The following PCDH11X variants were observed in gnomAD, a reference collection of about 807,000 sequenced individuals.
PCDH11X encodes the protein protocadherin-11 X-linked.
Under a neutral mutation model 53.3 loss-of-function variants are expected in PCDH11X, and 18 were observed. The observed-to-expected ratio is 0.34, with a 90% CI of 0.23 to 0.50. PCDH11X has a LOEUF of 0.50. Among genes scored for constraint, PCDH11X ranks in the 20% least tolerant of loss-of-function variants. The pLI is 0.98. For synonymous variants in PCDH11X, 279 were observed against 393.3 expected (o/e 0.71, Z 3.44); for missense variants, 570 against 1,032.4 (o/e 0.55, Z 6.14).
chrX:92,482,044 A>G (rs1226165510), intron 10 of PCDH11X, among the ~76,000 whole-genome samples: 1 of 98,509 alleles, frequency 1.0e-5, no homozygotes, highest in Admixed American at 1.1e-4. Flanking sequence ...TCCTCTGAAG[A>G]TCTGTTAGGA....
intron 10 of PCDH11X, among the ~76,000 whole-genome samples, chrX:92,510,090 C>T (rs2750883): frequency 0.28 from 27,418 of 98,946 alleles, 4,558 homozygotes; most frequent in Non-Finnish European, 0.36. Context: ...AACAAACCTG[C>T]AGTATACAAT....
At chrX:92,167,407 A>AT (rs1367309338) in intron 6 of PCDH11X, among the ~76,000 whole-genome samples, 1 of 111,548 alleles carries the variant, frequency 9.0e-6, no homozygotes, top group African/African-American at 3.2e-5. Context: ...TATTTTAGTA[A>AT]TTTTTTGTGT....
At chrX:92,510,155 T>C (rs957029259) in intron 10 of PCDH11X, among the ~76,000 whole-genome samples, 9 of 106,367 alleles carry the variant, frequency 8.5e-5, no homozygotes, top group African/African-American at 2.7e-4. Context: ...CTGTATCTTG[T>C]TGTAGTTGAA....
In PCDH11X at chrX:91,954,546, C is replaced by A. The variant is rs757761414; in HGVS notation, c.3033+75273C>A. On this transcript the variant is annotated intron_variant, in intron 6 of 10. Transcript: ENST00000682573. ...TGAGGAATCACCACACTGTCTTCCA[C>A]AATAGTTGAACTAATTTACACTCAC... Among the ~76,000 whole-genome samples, 125 of 111,436 alleles carry A rather than the reference C, an allele frequency of 1.1e-3. 1 individual carries two copies. Among genetic ancestry groups the A allele is most frequent in the African/African-American group, 3.9e-3 (119 of 30,616 alleles).
chrX:91,852,055 C>G (rs1471563229), intron 5 of PCDH11X, among the ~76,000 whole-genome samples: 2 of 102,293 alleles, frequency 2.0e-5, no homozygotes, highest in East Asian at 6.1e-4. Flanking sequence ...CTCTTGTTGC[C>G]CAGGCTGGAG....
chrX:92,203,038 G>T (rs955856745), intron 7 of PCDH11X, among the ~76,000 whole-genome samples: 2 of 110,645 alleles, frequency 1.8e-5, no homozygotes, highest in Non-Finnish European at 3.8e-5. Flanking sequence ...AAAGAAGGGG[G>T]GTTAGAAGGC....
intron 9 of PCDH11X, among the ~76,000 whole-genome samples, chrX:92,439,477 T>A (rs999317915): frequency 1.8e-5 from 2 of 110,783 alleles, no homozygotes; most frequent in African/African-American, 6.5e-5. Flanking sequence ...TGGCTGTGGA[T>A]CAAGTCAGCT....
chrX:92,331,319 C>CTTCTTCTTCTTCT (rs1369843764), intron 8 of PCDH11X, among the ~76,000 whole-genome samples: 15 of 28,791 alleles, frequency 5.2e-4, no homozygotes, highest in African/African-American at 2.2e-3. Flanking sequence ...CTTCTTCTTC[C>CTTCTTCTTCTTCT]TCTTCTTCTT....
intron 6 of PCDH11X, among the ~76,000 whole-genome samples, chrX:91,954,204 G>A (rs2061680791): frequency 9.1e-6 from 1 of 110,157 alleles, no homozygotes; most frequent in African/African-American, 3.3e-5. Context: ...ACTTATACAT[G>A]AGAACGTGTG....
intron 10 of PCDH11X, among the ~76,000 whole-genome samples, chrX:92,495,753 A>T (rs766600407): frequency 3.7e-5 from 4 of 107,431 alleles, no homozygotes; most frequent in South Asian, 8.1e-4. Flanking sequence ...CACTTCTTAC[A>T]TGGCAGCAGC....
At chrX:92,462,961 T>C (rs2073083285) in intron 9 of PCDH11X, among the ~76,000 whole-genome samples, 1 of 111,289 alleles carries the variant, frequency 9.0e-6, no homozygotes, top group Non-Finnish European at 1.9e-5. Context: ...AATGAAAAAA[T>C]AATGTGATCA....
At chrX:92,526,272 T>G (rs1389447119) in intron 10 of PCDH11X, among the ~76,000 whole-genome samples, 1 of 111,170 alleles carries the variant, frequency 9.0e-6, no homozygotes, top group Non-Finnish European at 1.9e-5. Flanking sequence ...TCAAATTCCT[T>G]CATGAAGCTA....
intron 8 of PCDH11X, among the ~76,000 whole-genome samples, chrX:92,312,629 A>T (rs2068975171): frequency 9.0e-6 from 1 of 111,088 alleles, no homozygotes; most frequent in African/African-American, 3.3e-5. Flanking sequence ...ATTGTTTTCC[A>T]ATTGTAGAAA....
At chrX:92,068,331 G>T (rs779012180) in intron 6 of PCDH11X, among the ~76,000 whole-genome samples, 1 of 110,281 alleles carries the variant, frequency 9.1e-6, no homozygotes, top group African/African-American at 3.3e-5. Flanking sequence ...TGCTTTTGCT[G>T]TATTCCAAAG....
At chrX:92,544,354 A>G (rs2074809359) in intron 10 of PCDH11X, among the ~76,000 whole-genome samples, 1 of 111,788 alleles carries the variant, frequency 8.9e-6, no homozygotes, top group Non-Finnish European at 1.9e-5. Context: ...TTTTATGAAA[A>G]ACACAGCCTT....
In PCDH11X at chrX:92,254,454, G is replaced by A. The variant is rs369713687; in HGVS notation, c.3115-8660G>A. 7.3e-3 allele frequency among the ~76,000 whole-genome samples: 798 copies of A among 108,742 alleles called. 8 individuals carry two copies. The highest frequency in any genetic ancestry group is 0.026 in the African/African-American group (757 of 29,396). The allele number at this position is 108,742 out of a possible 115,157, so 94.4% of individuals were successfully genotyped here. On this transcript the variant is annotated intron_variant, in intron 7 of 10. Coordinates refer to ENST00000682573, the MANE Select transcript of PCDH11X (RefSeq NM_032968.5). Reference sequence around the variant, plus strand: ...AGTCCATTTACATTTAAAGTTAATAGTGTTATGTGTGAATTTGATCCTGTC... The same window carrying A: ...AGTCCATTTACATTTAAAGTTAATAATGTTATGTGTGAATTTGATCCTGTC...
At chrX:92,568,280 G>A (rs997222130) in intron 10 of PCDH11X, among the ~76,000 whole-genome samples, 12 of 109,662 alleles carry the variant, frequency 1.1e-4, no homozygotes, top group African/African-American at 3.0e-4. Context: ...AAATTAGCCC[G>A]GCGTGGTGGC....
At chrX:92,317,981 T>C (rs2069117264) in intron 8 of PCDH11X, among the ~76,000 whole-genome samples, 1 of 111,280 alleles carries the variant, frequency 9.0e-6, no homozygotes, top group Non-Finnish European at 1.9e-5. Flanking sequence ...ACAATAGTAG[T>C]AGTAATAGTA....
intron 8 of PCDH11X, among the ~76,000 whole-genome samples, chrX:92,318,438 A>T (rs1005832269): frequency 2.7e-5 from 3 of 111,010 alleles, no homozygotes; most frequent in African/African-American, 6.5e-5. Flanking sequence ...TTTCCCTCAA[A>T]TTTTTTCTCT....
Sources: allele counts gnomAD v4.1 joint callset (sites outside exome capture counted in the v4.1 genomes callset), GRCh38; gene constraint gnomAD v4.1.1; transcripts MANE v1.5; gene names NCBI Gene and HGNC (gene_info 2026-07-23, HGNC 2026-07-21).